KCNH7: variants seen among roughly 807,000 people sequenced by gnomAD.
The protein encoded by KCNH7 is potassium voltage-gated channel subfamily H member 7, also known as voltage-gated inwardly rectifying potassium channel KCNH7.
In KCNH7, 49 loss-of-function variants were observed where a neutral mutation model predicts 120.8. That is an observed-to-expected ratio of 0.41 (90% CI 0.32 to 0.51). The LOEUF (loss-of-function observed/expected upper bound fraction) is 0.51. KCNH7 is among the 20% of genes least tolerant of loss of function. The pLI, the probability that KCNH7 is intolerant of heterozygous loss-of-function variation, is 0.38. For missense variants in KCNH7, 1,097 were observed against 1,446.6 expected (o/e 0.76, Z 3.92); for synonymous variants, 547 against 516.1 (o/e 1.06, Z -0.81).
chr2:162,537,031 C>T lies in KCNH7; in HGVS notation c.357G>A (p.Glu119=), dbSNP rs1692133439. 1 of 1,612,660 alleles carries T rather than the reference C, an allele frequency of 6.2e-7. No individual in the cohort carries two copies. Among genetic ancestry groups the T allele is most frequent in the Non-Finnish European group, 8.5e-7 (1 of 1,179,064 alleles). ...NTHIIPVKNQ[E]GVAMMFIINF... is the part of the protein sequence containing the mutation. ...TAATGATGAACATCATAGCCACGCC[C>T]TCTTGGTTTTTCACTGGAATTATGT... The change falls in exon 3 of 16, where the codon GAG becomes GAA. Residue 119 remains glutamate, a synonymous_variant. Coordinates refer to ENST00000332142, the MANE Select transcript of KCNH7 (RefSeq NM_033272.4).
chr2:162,726,587 T>C (rs1687530081), intron 2 of KCNH7, among the ~76,000 whole-genome samples: 1 of 152,048 alleles, frequency 6.6e-6, no homozygotes, highest in South Asian at 2.1e-4. Flanking sequence ...GCCCAGCTAA[T>C]TTTTGTATTT....
At chr2:162,373,815 G>A (rs945105081) in intron 14 of KCNH7, among the ~76,000 whole-genome samples, 153 bp from the exon 15 acceptor site, 2 of 152,152 alleles carry the variant, frequency 1.3e-5, no homozygotes, top group Admixed American at 6.5e-5. Context: ...CTTTCCTGAC[G>A]GATACTTACT....
At chr2:162,604,362 A>C (rs756761541) in intron 2 of KCNH7, among the ~76,000 whole-genome samples, 1 of 152,136 alleles carries the variant, frequency 6.6e-6, no homozygotes, top group Non-Finnish European at 1.5e-5. Flanking sequence ...AAAATTAAAA[A>C]AAATTTAATA....
chr2:162,570,632 T>C (rs1206170489), intron 2 of KCNH7, among the ~76,000 whole-genome samples: 1 of 152,124 alleles, frequency 6.6e-6, no homozygotes, highest in Non-Finnish European at 1.5e-5. Flanking sequence ...GTCTTGATGG[T>C]CTTTACATTT....
In KCNH7 at chr2:162,584,408, T is replaced by C. The variant is rs148399597; in HGVS notation, c.308-47328A>G. On this transcript the variant is annotated intron_variant, in intron 2 of 15. Coordinates refer to ENST00000332142, the MANE Select transcript of KCNH7 (RefSeq NM_033272.4). ...TCCTTGAACTTTCAAGAACCTCAGA[T>C]ATTAGTCTGAGAAATGTACCAATAT... Among the ~76,000 whole-genome samples, 786 of 152,222 alleles carry C rather than the reference T, an allele frequency of 5.2e-3. 9 individuals are homozygous for C. The highest frequency in any genetic ancestry group is 0.018 in the African/African-American group (749 of 41,570).
At chr2:162,671,409 G>A in intron 2 of KCNH7, among the ~76,000 whole-genome samples, 1 of 144,960 alleles carries the variant, frequency 6.9e-6, no homozygotes, top group East Asian at 2.2e-4. Context: ...TTTTTTTGCA[G>A]CAACATGCAT....
At chr2:162,489,464 A>C in intron 6 of KCNH7, among the ~76,000 whole-genome samples, 1 of 152,204 alleles carries the variant, frequency 6.6e-6, no homozygotes, top group East Asian at 1.9e-4. Context: ...ACCCACATGC[A>C]GCTCACGGGC....
chr2:162,744,667 G>A (rs1268195211), intron 2 of KCNH7, among the ~76,000 whole-genome samples: 1 of 150,870 alleles, frequency 6.6e-6, no homozygotes, highest in Non-Finnish European at 1.5e-5. Context: ...TCGCCTCTCG[G>A]GTTCACGCCA....
intron 9 of KCNH7, among the ~76,000 whole-genome samples, chr2:162,402,937 G>A (rs1025712223): frequency 2.0e-5 from 3 of 151,880 alleles, no homozygotes; most frequent in Non-Finnish European, 4.4e-5. Flanking sequence ...AATCAGACAG[G>A]CTTGATCCAG....
intron 2 of KCNH7, among the ~76,000 whole-genome samples, chr2:162,644,293 T>C (rs879780601): frequency 2.6e-5 from 4 of 152,202 alleles, no homozygotes; most frequent in Non-Finnish European, 4.4e-5. Flanking sequence ...TGTGTCTTTT[T>C]AGTACATTAA....
chr2:162,614,954 A>G, intron 2 of KCNH7, among the ~76,000 whole-genome samples: 1 of 152,248 alleles, frequency 6.6e-6, no homozygotes, highest in Non-Finnish European at 1.5e-5. Flanking sequence ...AGAAAAAGAT[A>G]AATTCATAAA....
chr2:162,665,520 T>C (rs1056951991), intron 2 of KCNH7, among the ~76,000 whole-genome samples: 1 of 152,160 alleles, frequency 6.6e-6, no homozygotes, highest in Non-Finnish European at 1.5e-5. Flanking sequence ...CAGAAAAAAC[T>C]AAATTTGTCA....
intron 2 of KCNH7, among the ~76,000 whole-genome samples, chr2:162,777,850 T>C (rs191278810): frequency 8.5e-5 from 13 of 152,156 alleles, no homozygotes; most frequent in African/African-American, 2.7e-4. Context: ...AGGCAAACTA[T>C]TGATATAAAT....
intron 2 of KCNH7, among the ~76,000 whole-genome samples, chr2:162,598,679 T>C (rs1694455656): frequency 6.6e-6 from 1 of 152,254 alleles, no homozygotes; most frequent in Admixed American, 6.5e-5. Flanking sequence ...TTACATTGAA[T>C]ATGCCAAATG....
chr2:162,522,190 G>A (rs1198162524), intron 3 of KCNH7, among the ~76,000 whole-genome samples: 1 of 151,848 alleles, frequency 6.6e-6, no homozygotes, highest in Non-Finnish European at 1.5e-5. Context: ...CATTTGATTA[G>A]TCTTTAATGC....
chr2:162,580,982 C>T (rs1693847088), intron 2 of KCNH7, among the ~76,000 whole-genome samples: 1 of 152,010 alleles, frequency 6.6e-6, no homozygotes, highest in African/African-American at 2.4e-5. Context: ...ATATTAGCTG[C>T]ACACAAGGAT....
chr2:162,415,251 G>A (rs1028805959), intron 9 of KCNH7, among the ~76,000 whole-genome samples: 2 of 151,814 alleles, frequency 1.3e-5, no homozygotes, highest in African/African-American at 4.8e-5. Flanking sequence ...CCAGCTGCAA[G>A]TCCTCAACCT....
rs80300352 is a variant in KCNH7 at position 162,405,078 on chromosome 2, G to A, written c.2155-4637C>T. 3.3e-4 allele frequency among the ~76,000 whole-genome samples: 50 copies of A among 152,056 alleles called. No homozygotes were observed. The East Asian group carries it at 7.9e-3, about 24-fold the overall frequency. On this transcript the variant is annotated intron_variant, in intron 9 of 15. Transcript: ENST00000332142. ...AATTTCATTTCTCAAATACTGGCTTGTATGGGGAAAGATTTTAAAAATTTC... is the reference window on the plus strand; with the variant it reads ...AATTTCATTTCTCAAATACTGGCTTATATGGGGAAAGATTTTAAAAATTTC...
At position 162,717,412 on chromosome 2, in the gene KCNH7, A is replaced by G. The variant is rs1574301060; in HGVS notation, c.307+119125T>C. ...TCTGACTCCAGGTACTGTGCCCTTC[A>G]TTACTTTCCAAACTCCATGCTAAGG... is the stretch of plus-strand genomic sequence containing the variant. On this transcript the variant is annotated intron_variant, in intron 2 of 15. Transcript: ENST00000332142. 2.0e-5 allele frequency among the ~76,000 whole-genome samples: 3 copies of G among 152,088 alleles called. No individual in the cohort carries two copies. The East Asian group carries it at 5.8e-4, about 29-fold the overall frequency.
Sources: allele counts gnomAD v4.1 joint callset (sites outside exome capture counted in the v4.1 genomes callset), GRCh38; gene constraint gnomAD v4.1.1; transcripts MANE v1.5; gene names NCBI Gene and HGNC (gene_info 2026-07-23, HGNC 2026-07-21).